Variants in CD96 observed in about 807,000 individuals in gnomAD.
The protein encoded by CD96 is T-cell surface protein tactile.
CD96 carries 70 observed loss-of-function variants against 71.3 expected under a neutral mutation model. The ratio of observed to expected loss-of-function variants is 0.98; its 90% CI spans 0.81 to 1.20. The LOEUF (loss-of-function observed/expected upper bound fraction) is 1.20, where lower values mean the gene tolerates loss of function less well. CD96 is among the 50% of genes most tolerant of loss of function. The pLI is 0.00. For synonymous variants in CD96, 248 were observed against 233.0 expected (o/e 1.06, Z -0.59); for missense variants, 742 against 677.5 (o/e 1.10, Z -1.06).
intron 12 of CD96, among the ~76,000 whole-genome samples, chr3:111,645,705 T>C (rs1939797864): frequency 6.6e-6 from 1 of 152,162 alleles, no homozygotes; most frequent in South Asian, 2.1e-4. Flanking sequence ...TGGTTTGAAC[T>C]ATGTAAACTT....
At chr3:111,543,692 C>T (rs922068593) in intron 1 of CD96, among the ~76,000 whole-genome samples, 18 of 152,188 alleles carry the variant, frequency 1.2e-4, no homozygotes, top group African/African-American at 4.3e-4. Flanking sequence ...GCATTGCTAA[C>T]AAGTTGCAGC....
At chr3:111,592,569 C>T (rs1576360911) in intron 5 of CD96, among the ~76,000 whole-genome samples, 1 of 151,340 alleles carries the variant, frequency 6.6e-6, no homozygotes, top group South Asian at 2.1e-4. Context: ...TTCCCTAGAG[C>T]ACTGTCTCTC....
intron 12 of CD96, among the ~76,000 whole-genome samples, chr3:111,641,393 A>C (rs1939583970): frequency 6.6e-6 from 1 of 152,264 alleles, no homozygotes; most frequent in Non-Finnish European, 1.5e-5. Context: ...GTGGTTAAAA[A>C]AGACAAAGAG....
intron 8 of CD96, among the ~76,000 whole-genome samples, chr3:111,621,799 C>T (rs533473038): frequency 2.4e-4 from 36 of 152,202 alleles, no homozygotes; most frequent in Non-Finnish European, 3.1e-4. Flanking sequence ...TCGTATTAGA[C>T]TGTCATCTAG....
rs1302716334 is a variant in CD96 at position 111,545,113 on chromosome 3, G to C, written c.129G>C (p.Leu43=). 1 of 1,614,038 alleles carries C rather than the reference G, an allele frequency of 6.2e-7. No individual in the cohort carries two copies. Among genetic ancestry groups the C allele is most frequent in the Non-Finnish European group, 8.5e-7 (1 of 1,180,030 alleles). ...CTACACTTGGCTCTGATGTCAACCT[G>C]ACCTGCCAAACACAGACAGTAGGCT... ...VYATLGSDVN[L]TCQTQTVGFF... is the part of the protein sequence containing the mutation. Residue 43 remains leucine, a synonymous_variant, in exon 2 of 14, where the codon CTG becomes CTC. Transcript: ENST00000352690.
At chr3:111,621,685 G>A (rs1479875545) in intron 8 of CD96, among the ~76,000 whole-genome samples, 2 of 152,180 alleles carry the variant, frequency 1.3e-5, no homozygotes, top group African/African-American at 4.8e-5. Flanking sequence ...AAGCACAGCC[G>A]CTCTTAATGC....
intron 5 of CD96, among the ~76,000 whole-genome samples, chr3:111,586,619 C>A (rs1050960547): frequency 1.3e-5 from 2 of 152,052 alleles, no homozygotes; most frequent in East Asian, 3.9e-4. Flanking sequence ...ACAATCATGG[C>A]GGAAGGCAAG....
At chr3:111,624,426 C>G (rs1204717913) in intron 10 of CD96, 22 bp downstream of exon 10, 2 of 1,382,824 alleles carry the variant, frequency 1.4e-6, no homozygotes, top group East Asian at 4.6e-5. Flanking sequence ...TCGTGGGTCC[C>G]TTGAGTCCTC....
intron 13 of CD96, 109 bp from the exon 14 acceptor site, chr3:111,649,589 T>C (rs1939986254): frequency 2.5e-6 from 2 of 805,792 alleles, no homozygotes; most frequent in African/African-American, 1.7e-5. Context: ...AGTATGTCTC[T>C]TTCTCATCAA....
intron 10 of CD96, chr3:111,633,763 T>A (rs1292196738): frequency 6.5e-6 from 1 of 153,096 alleles, no homozygotes; most frequent in Non-Finnish European, 1.5e-5. Flanking sequence ...GAGGTGGTGC[T>A]GGCCCAGTAC....
chr3:111,550,243 G>A (rs1934628604), intron 2 of CD96, among the ~76,000 whole-genome samples: 1 of 152,156 alleles, frequency 6.6e-6, no homozygotes, highest in South Asian at 2.1e-4. Context: ...AACAGGAACT[G>A]TTTGATGGCA....
At chr3:111,550,271 G>A (rs1934629770) in intron 2 of CD96, among the ~76,000 whole-genome samples, 1 of 152,156 alleles carries the variant, frequency 6.6e-6, no homozygotes, top group Non-Finnish European at 1.5e-5. Flanking sequence ...ATGGAAGTCA[G>A]GCTGGAGGGA....
In CD96 at chr3:111,594,150, C is replaced by G. The variant is rs572782722; in HGVS notation, c.808-3970C>G. 8.1e-6 allele frequency: 13 copies of G among 1,612,496 alleles called. No individual in the cohort carries two copies. The East Asian group carries it at 2.2e-4, about 28-fold the overall frequency. ...TCCTCCTCCTTCATCTCTAAGTCCC[C>G]TTTTGCCTTCATCATTGTTCCCTCC... On this transcript the variant is annotated intron_variant, in intron 5 of 13. Transcript: ENST00000352690.
At chr3:111,566,328 G>A (rs1935710862) in intron 2 of CD96, among the ~76,000 whole-genome samples, 1 of 151,828 alleles carries the variant, frequency 6.6e-6, no homozygotes, top group South Asian at 2.1e-4. Context: ...AGCATGTAAT[G>A]GTTTAAAATA....
At chr3:111,633,234 G>A (rs1358197622) in intron 10 of CD96, among the ~76,000 whole-genome samples, 1 of 152,000 alleles carries the variant, frequency 6.6e-6, no homozygotes, top group Admixed American at 6.5e-5. Flanking sequence ...CCACCAGCAA[G>A]TGAAGCAGTT....
intron 2 of CD96, among the ~76,000 whole-genome samples, chr3:111,566,436 C>T (rs1225881325): frequency 1.3e-5 from 2 of 151,990 alleles, no homozygotes; most frequent in Admixed American, 1.3e-4. Flanking sequence ...CATGAAGCCC[C>T]CATAAATTTA....
intron 4 of CD96, among the ~76,000 whole-genome samples, chr3:111,583,458 C>A (rs1936562196): frequency 6.6e-6 from 1 of 152,214 alleles, no homozygotes; most frequent in Non-Finnish European, 1.5e-5. Context: ...AGTCAGTGCC[C>A]CATTAGGGAC....
intron 2 of CD96, among the ~76,000 whole-genome samples, chr3:111,553,431 T>C (rs1014453949): frequency 2.4e-5 from 3 of 124,022 alleles, no homozygotes; most frequent in Non-Finnish European, 4.7e-5. Flanking sequence ...GGTTTTCTTT[T>C]TTCTTTTTTT....
intron 10 of CD96, among the ~76,000 whole-genome samples, chr3:111,625,828 T>A (rs966088176): frequency 1.3e-5 from 2 of 152,086 alleles, no homozygotes; most frequent in Non-Finnish European, 2.9e-5. Context: ...AGCTATAATC[T>A]GGGGAACATA....
Sources: gnomAD v4.1 joint callset for allele counts (sites outside exome capture counted in the v4.1 genomes callset) on GRCh38, gnomAD v4.1.1 for gene constraint, MANE v1.5 for transcripts, NCBI Gene and HGNC (gene_info 2026-07-23, HGNC 2026-07-21) for gene names.